KIAA1755: variants seen among roughly 807,000 people sequenced by gnomAD.
KIAA1755 encodes KIAA1755, also known as uncharacterized protein KIAA1755.
In KIAA1755, 68 loss-of-function variants were observed where a neutral mutation model predicts 91.7. The ratio of observed to expected loss-of-function variants is 0.74; its 90% CI spans 0.61 to 0.91. The LOEUF (loss-of-function observed/expected upper bound fraction) is 0.91. KIAA1755 is among the 40% of genes least tolerant of loss of function. KIAA1755 has a pLI of 0.00. For missense variants in KIAA1755, 1,535 were observed against 1,494.4 expected (o/e 1.03, Z -0.45); for synonymous variants, 610 against 604.6 (o/e 1.01, Z -0.13).
intron 2 of KIAA1755, among the ~76,000 whole-genome samples, chr20:38,243,820 A>G (rs1381302663): frequency 6.6e-6 from 1 of 152,246 alleles, no homozygotes; most frequent in African/African-American, 2.4e-5. Context: ...GCGATAGCCA[A>G]TAGCTACTGG....
intron 1 of KIAA1755, among the ~76,000 whole-genome samples, chr20:38,251,567 C>CT (rs35945102): frequency 0.032 from 4,422 of 137,570 alleles, 182 homozygotes; most frequent in African/African-American, 0.098. Context: ...CTATTATAGT[C>CT]TTTTTTTTTT....
At chr20:38,259,440 TGTGC>T (rs2076396350) in intron 1 of KIAA1755, among the ~76,000 whole-genome samples, 1 of 149,378 alleles carries the variant, frequency 6.7e-6, no homozygotes, top group African/African-American at 2.5e-5. Flanking sequence ...AGGTGTGCTC[TGTGC>T]GTGCATGTGT....
intron 1 of KIAA1755, among the ~76,000 whole-genome samples, chr20:38,251,479 G>A (rs968259330): frequency 2.6e-5 from 4 of 151,946 alleles, no homozygotes; most frequent in African/African-American, 9.7e-5. Context: ...CCTGCTCACA[G>A]TGGTTATACC....
intron 5 of KIAA1755, among the ~76,000 whole-genome samples, chr20:38,230,161 G>A (rs961022391): frequency 6.6e-6 from 1 of 152,172 alleles, no homozygotes; most frequent in African/African-American, 2.4e-5. Flanking sequence ...AGTCCATTAA[G>A]TCTGAATGGT....
In KIAA1755 at chr20:38,245,980, A is replaced by G. The variant is rs201175323; in HGVS notation, c.150T>C (p.Asp50=). The change falls in exon 2 of 14, where the codon GAT becomes GAC. Residue 50 remains aspartate (D), a synonymous_variant. Coordinates refer to ENST00000279024, the MANE Select transcript of KIAA1755 (RefSeq NM_001029864.2). The part of the protein sequence containing the change: ...FQGDGLSFLL[D]FLIPAKRLCE... ...ACAGGCGCTTGGCAGGGATCAGGAA[A>G]TCCAGAAGGAAGCTCAGCCCATCCC... The G allele has an allele frequency of 4.8e-5, 77 of 1,614,038 alleles. No homozygotes were observed. Among genetic ancestry groups the G allele is most frequent in the Non-Finnish European group, 5.9e-6 (7 of 1,180,028 alleles).
chr20:38,251,673 C>G (rs2076251737), intron 1 of KIAA1755, among the ~76,000 whole-genome samples: 1 of 150,916 alleles, frequency 6.6e-6, no homozygotes, highest in South Asian at 2.1e-4. Context: ...TCAAGTGATT[C>G]TTCTGCTTCA....
Position 38,228,162 on chromosome 20 carries a change from G to A in KIAA1755, c.1950C>T (p.Ala650=), listed in dbSNP as rs1250597116. 6.2e-7 allele frequency: 1 copy of A among 1,602,082 alleles called. No individual in the cohort carries two copies. Residue 650 remains alanine, a synonymous_variant, in exon 6 of 14, where the codon GCC becomes GCT. Transcript: ENST00000279024. ...RQPPQPGLVS[A]LQATQAQVPA... ...TCCCACTCACCTGGGTGGCCTGCAG[G>A]GCGCTGACCAGACCGGGCTGTGGGG...
chr20:38,227,115 A>G, intron 7 of KIAA1755, 39 bp downstream of exon 7: 3 of 1,524,052 alleles, frequency 2.0e-6, no homozygotes, highest in Non-Finnish European at 2.7e-6. Context: ...CGAGCCCAAC[A>G]ACTCCCTTCC....
chr20:38,245,957 A>C lies in KIAA1755; in HGVS notation c.173T>G (p.Leu58Arg), dbSNP rs1287396361. 3 of 1,614,128 alleles carry C rather than the reference A, an allele frequency of 1.9e-6. No individual in the cohort carries two copies. Among genetic ancestry groups the C allele is most frequent in the Non-Finnish European group, 8.5e-7 (1 of 1,180,018 alleles). ...LLDFLIPAKR[L>R]CEQVREAACA... ...GGCTGCTTCTCGCACTTGCTCACAC[A>C]GGCGCTTGGCAGGGATCAGGAAATC... Residue 58 changes from leucine to arginine, a missense_variant, in exon 2 of 14, where the codon CTG (leucine) becomes CGG (arginine). Leu to Arg is a moderately radical substitution (Grantham distance 102). Transcript: ENST00000279024.
At chr20:38,222,827 C>G (rs2075686308) in intron 9 of KIAA1755, 1 of 600,828 alleles carries the variant, frequency 1.7e-6, no homozygotes, top group Non-Finnish European at 3.0e-6. Context: ...CCCATTCCAG[C>G]CTCTTCGCTG....
Position 38,239,537 on chromosome 20 carries a change from A to T in KIAA1755, c.1738T>A (p.Cys580Ser). Residue 580 changes from cysteine (C) to serine (S), a missense_variant, in exon 4 of 14, where the codon TGC becomes AGC. By Grantham distance (112) the Cys-to-Ser change is moderately radical (BLOSUM62 -1). Coordinates refer to ENST00000279024, the MANE Select transcript of KIAA1755 (RefSeq NM_001029864.2). ...TTGAATCCCCTGGAACCTGGCAGGC[A>T]TGCTATCCTGGAGCGGAAAACCTTG... ...GVKVFRSRIA[C>S]LPGGRDRAGR... 1 of 1,613,812 alleles carries T rather than the reference A, an allele frequency of 6.2e-7. No individual in the cohort carries two copies. Among genetic ancestry groups the T allele is most frequent in the East Asian group, 2.2e-5 (1 of 44,834 alleles).
In KIAA1755 at chr20:38,241,728, G is replaced by T. The variant is rs146785814; in HGVS notation, c.403C>A (p.Pro135Thr). Reference sequence around the variant, plus strand: ...ATAGGGTAGGCTGGCTCTGGAACAGGCTTCTTGTCCACTGTGCAGAGGTCC... The same window carrying T: ...ATAGGGTAGGCTGGCTCTGGAACAGTCTTCTTGTCCACTGTGCAGAGGTCC... ...SLDLCTVDKK[P>T]VPEPAYPILF... Residue 135 changes from proline to threonine, a missense_variant, in exon 3 of 14, where the codon CCT becomes ACT. Coordinates refer to ENST00000279024, the MANE Select transcript of KIAA1755 (RefSeq NM_001029864.2). 6.2e-7 allele frequency: 1 copy of T among 1,614,220 alleles called. No homozygotes were observed. Among genetic ancestry groups the T allele is most frequent in the East Asian group, 2.2e-5 (1 of 44,884 alleles).
rs1002559466 is a variant in KIAA1755 at position 38,218,117 on chromosome 20, G to T, written c.2679+127C>A. On this transcript the variant is annotated intron_variant, in intron 12 of 13. Transcript: ENST00000279024. ...CAGCTGAACTCTGCAATCCAAGCTG[G>T]TTCCCTCACTGTCTCTGGAACTTTT... is the stretch of plus-strand genomic sequence containing the variant. 32 of 1,230,998 alleles carry T rather than the reference G, an allele frequency of 2.6e-5. No homozygotes were observed. In the African/African-American group the frequency reaches 4.7e-4, roughly 18 times the overall value. 76.3% of individuals were successfully genotyped at this position (1,230,998 alleles called of 1,614,324 possible). A position where few individuals can be genotyped will look rare whatever the true frequency, so the allele number is the denominator to read the frequency against.
At chr20:38,250,958 G>C (rs6127552) in intron 1 of KIAA1755, among the ~76,000 whole-genome samples, 17 of 151,846 alleles carry the variant, frequency 1.1e-4, no homozygotes, top group African/African-American at 3.9e-4. Context: ...TATAAATGGA[G>C]AAATAACTGT....
In KIAA1755 at chr20:38,222,498, C is replaced by G; in HGVS notation, c.2368G>C (p.Ala790Pro). The change falls in exon 10 of 14, where the codon GCC becomes CCC. Residue 790 changes from alanine (A) to proline (P), a missense_variant. Transcript: ENST00000279024. Reference protein sequence around the residue: ...GLQREGGATLARLQHDASRLD... With the variant: ...GLQREGGATLPRLQHDASRLD... The stretch of plus-strand genomic sequence containing the variant: ...CTGCTGGCATCATGCTGCAGCCTGG[C>G]CAGGGTGGCTCCACCTTCCCGCTGG... 6.2e-7 allele frequency: 1 copy of G among 1,613,780 alleles called. No homozygotes were observed. Among genetic ancestry groups the G allele is most frequent in the Non-Finnish European group, 8.5e-7 (1 of 1,180,002 alleles).
intron 2 of KIAA1755, among the ~76,000 whole-genome samples, chr20:38,242,318 T>C (rs1290959809): frequency 3.9e-5 from 6 of 152,250 alleles, no homozygotes; most frequent in Non-Finnish European, 7.3e-5. Context: ...GACAAACGTC[T>C]ATGTTGCTAA....
rs1465612494 is a variant in KIAA1755 at position 38,225,701 on chromosome 20, G to T, written c.2133C>A (p.Phe711Leu). 2 of 1,613,470 alleles carry T rather than the reference G, an allele frequency of 1.2e-6. No individual in the cohort carries two copies. ...SQLPAVLEGP[F>L]PYCHTEWVHF... ...GAACCCACTCGGTGTGGCAGTAGGG[G>T]AAGGGGCCTTCCAGGACTGCGGGCA... is the stretch of plus-strand genomic sequence containing the variant. The change falls in exon 8 of 14, where the codon TTC becomes TTA. Residue 711 changes from phenylalanine to leucine, a missense_variant. Coordinates refer to ENST00000279024, the MANE Select transcript of KIAA1755 (RefSeq NM_001029864.2).
rs1477543425 is a variant in KIAA1755 at position 38,240,836 on chromosome 20, G to A, written c.1295C>T (p.Ala432Val). 1 of 1,614,178 alleles carries A rather than the reference G, an allele frequency of 6.2e-7. No individual in the cohort carries two copies. The highest frequency in any genetic ancestry group is 1.3e-5 in the African/African-American group (1 of 75,064). ...SPRLSPASPA[A>V]AASETKIEVK... is the part of the protein sequence containing the mutation. ...CTCTATCTTTGTTTCAGAGGCTGCAGCTGCAGGAGAAGCTGGGGACAGGCG... is the reference window on the plus strand; with the variant it reads ...CTCTATCTTTGTTTCAGAGGCTGCAACTGCAGGAGAAGCTGGGGACAGGCG... The change falls in exon 3 of 14, where the codon GCT (alanine) becomes GTT (valine). Residue 432 changes from alanine (A) to valine (V), a missense_variant. Physicochemically the swap from Ala to Val is moderately conservative, Grantham distance 64 (BLOSUM62 0). Transcript: ENST00000279024.
rs765027300 is a variant in KIAA1755, at chr20:38,219,777, T to C, written c.2418-9A>G. 1 of 1,613,722 alleles carries C rather than the reference T, an allele frequency of 6.2e-7. No individual in the cohort carries two copies. Among genetic ancestry groups the C allele is most frequent in the African/African-American group, 1.3e-5 (1 of 74,876 alleles). ...CTGCAGCCAGATGGCTCCTGGGAGG[T>C]GGGCGGAGGTGAGAAAAGGCCTCTG... On this transcript the variant is annotated splice_polypyrimidine_tract_variant and intron_variant, in intron 10 of 13. Coordinates refer to ENST00000279024, the MANE Select transcript of KIAA1755 (RefSeq NM_001029864.2).
Sources: gnomAD v4.1 joint callset for allele counts (sites outside exome capture counted in the v4.1 genomes callset) on GRCh38, gnomAD v4.1.1 for gene constraint, MANE v1.5 for transcripts, NCBI Gene and HGNC (gene_info 2026-07-23, HGNC 2026-07-21) for gene names.